Variants in KIF3A observed in about 807,000 individuals in gnomAD.
KIF3A encodes kinesin family member 3A.
KIF3A carries 27 observed loss-of-function variants against 92.6 expected under a neutral mutation model. That is an observed-to-expected ratio of 0.29 (90% CI 0.21 to 0.40). The LOEUF (loss-of-function observed/expected upper bound fraction) is 0.40. KIF3A is among the 10% of genes least tolerant of loss of function. KIF3A has a pLI of 1.00. For synonymous variants in KIF3A, 250 were observed against 275.4 expected (o/e 0.91, Z 0.92); for missense variants, 581 against 872.6 (o/e 0.67, Z 4.21).
chr5:132,721,850 T>C (rs968386526), intron 4 of KIF3A, among the ~76,000 whole-genome samples: 1 of 152,134 alleles, frequency 6.6e-6, no homozygotes, highest in Non-Finnish European at 1.5e-5. Context: ...CCAGAGAAGT[T>C]CTAAAGAGAA....
intron 5 of KIF3A, among the ~76,000 whole-genome samples, chr5:132,719,317 C>T (rs969078270): frequency 4.6e-5 from 7 of 152,142 alleles, no homozygotes; most frequent in African/African-American, 1.7e-4. Flanking sequence ...GAATAACATA[C>T]ATATTTTTTG....
chr5:132,704,082 T>C (rs1167209374), intron 11 of KIF3A, among the ~76,000 whole-genome samples: 2 of 151,860 alleles, frequency 1.3e-5, no homozygotes, highest in African/African-American at 4.8e-5. Context: ...AAGTCATATA[T>C]AGGTATAAAA....
intron 11 of KIF3A, among the ~76,000 whole-genome samples, chr5:132,704,836 T>C (rs1753154023): frequency 6.6e-6 from 1 of 151,902 alleles, no homozygotes; most frequent in Non-Finnish European, 1.5e-5. Flanking sequence ...TGAAAAATAA[T>C]TATGATGGAG....
downstream of KIF3A, among the ~76,000 whole-genome samples, chr5:132,692,027 A>G (rs559689160): frequency 6.0e-3 from 918 of 152,134 alleles, 8 homozygotes; most frequent in Non-Finnish European, 0.01. Flanking sequence ...CTAAATGTCC[A>G]TCAATGACAG....
intron 11 of KIF3A, 57 bp from the exon 12 acceptor site, chr5:132,703,676 T>C (rs774913022): frequency 6.2e-6 from 8 of 1,297,158 alleles, no homozygotes; most frequent in Middle Eastern, 2.1e-4. Context: ...TTCAGACTTA[T>C]ATAAATTACC....
chr5:132,718,219 A>G (rs561936819), intron 5 of KIF3A, among the ~76,000 whole-genome samples: 47 of 152,326 alleles, frequency 3.1e-4, no homozygotes, highest in African/African-American at 1.1e-3. Context: ...CAGTACATAC[A>G]TACTGTTCTA....
downstream of KIF3A, among the ~76,000 whole-genome samples, chr5:132,691,645 G>A (rs929735514): frequency 1.6e-4 from 25 of 152,070 alleles, no homozygotes; most frequent in Admixed American, 1.2e-3. Context: ...GCTCAGGCCT[G>A]TAATCCCAGC....
chr5:132,692,763 A>G lies in KIF3A; in HGVS notation c.*3871T>C, dbSNP rs552630133. On this transcript the variant is annotated 3_prime_UTR_variant, in exon 19 of 19. Transcript: ENST00000403231. Reference sequence around the variant, plus strand: ...ATGGCTTTTGAAACTGATGCAACAAACTGTAATTTGTAATTTTGGCCAGCA... The same window carrying G: ...ATGGCTTTTGAAACTGATGCAACAAGCTGTAATTTGTAATTTTGGCCAGCA... 6.5e-6 allele frequency: 1 copy of G among 152,798 alleles called. No individual in the cohort carries two copies. Among genetic ancestry groups the G allele is most frequent in the African/African-American group, 2.4e-5 (1 of 41,548 alleles). The allele number at this position is 152,798 out of a possible 1,614,324, so 9.5% of individuals were successfully genotyped here.
At position 132,703,061 on chromosome 5, in the gene KIF3A, C is replaced by G; in HGVS notation, c.1471G>C (p.Glu491Gln). ...REKDLLKAQQ[E>Q]HQSLLEKLSA... ...AATTTTTCCAGCAAAGACTGATGCT[C>G]TTGTCTGTTGATTAGAATGAGAATA... The change falls in exon 13 of 19, where the codon GAG becomes CAG. Residue 491 changes from glutamate (E) to glutamine (Q), a missense_variant. Glu to Gln is a conservative substitution (Grantham distance 29, BLOSUM62 2). This residue lies in a region of KIF3A where 167 missense variants were observed against 205.8 expected (regional missense o/e 0.81). Coordinates refer to ENST00000403231, the MANE Select transcript of KIF3A (RefSeq NM_001300791.2). 1 of 1,606,180 alleles carries G rather than the reference C, an allele frequency of 6.2e-7. No individual in the cohort carries two copies. Among genetic ancestry groups the G allele is most frequent in the Non-Finnish European group, 8.5e-7 (1 of 1,177,334 alleles).
At chr5:132,735,812 T>C (rs761220393) in intron 1 of KIF3A, among the ~76,000 whole-genome samples, 1 of 152,206 alleles carries the variant, frequency 6.6e-6, no homozygotes, top group African/African-American at 2.4e-5. Context: ...ACCAGAATCC[T>C]TAAGGTGGTC....
At chr5:132,725,006 A>T (rs1753990248) in intron 4 of KIF3A, among the ~76,000 whole-genome samples, 1 of 145,252 alleles carries the variant, frequency 6.9e-6, no homozygotes, top group Non-Finnish European at 1.5e-5. Flanking sequence ...TTCCTAAAAT[A>T]AAAAAAAAAG....
intron 1 of KIF3A, chr5:132,737,009 C>A: frequency 2.9e-6 from 1 of 343,754 alleles, no homozygotes; most frequent in Non-Finnish European, 5.4e-6. Context: ...GCCTTCGCTC[C>A]GCTGCCTCCC....
At position 132,720,610 on chromosome 5, in the gene KIF3A, AT is replaced by A; in HGVS notation, c.614del (p.Asn205IlefsTer9). 6.3e-7 allele frequency: 1 copy of A among 1,595,446 alleles called. No individual in the cohort carries two copies. Among genetic ancestry groups the A allele is most frequent in the Non-Finnish European group, 8.6e-7 (1 of 1,167,238 alleles). On this transcript the variant is annotated frameshift_variant and splice_region_variant, in exon 5 of 19. Coordinates refer to ENST00000403231, the MANE Select transcript of KIF3A (RefSeq NM_001300791.2). LOFTEE classifies it high-confidence loss of function. ...MDRIMTLGHK[N>X]RSVGATNMNE... ...ATCACAATTACACACTATACTTACGATTTTTGTGGCCTAGCGTCATAATTCT... is the reference window on the plus strand; with the variant it reads ...ATCACAATTACACACTATACTTACGATTTTGTGGCCTAGCGTCATAATTCT...
At position 132,716,946 on chromosome 5, in the gene KIF3A, G is replaced by A; in HGVS notation, c.655C>T (p.Arg219Cys). The A allele has an allele frequency of 6.2e-7, 1 of 1,613,764 alleles. No individual in the cohort carries two copies. ...GTAATTGTAAAGATGGCATGGGAACGGGAACTATGTTCGTTCATATTAGTT... is the reference window on the plus strand; with the variant it reads ...GTAATTGTAAAGATGGCATGGGAACAGGAACTATGTTCGTTCATATTAGTT... The part of the protein sequence containing the change: ...GATNMNEHSS[R>C]SHAIFTITIE... The change falls in exon 6 of 19, where the codon CGT becomes TGT. Residue 219 changes from arginine to cysteine, a missense_variant. Transcript: ENST00000403231.
chr5:132,712,018 G>C (rs1378980439), intron 8 of KIF3A, among the ~76,000 whole-genome samples: 2 of 152,148 alleles, frequency 1.3e-5, no homozygotes, highest in African/African-American at 4.8e-5. Flanking sequence ...GGAGAAAAAA[G>C]TAAAATATAC....
At chr5:132,705,620 A>G (rs1185209224) in intron 11 of KIF3A, among the ~76,000 whole-genome samples, 1 of 152,068 alleles carries the variant, frequency 6.6e-6, no homozygotes, top group African/African-American at 2.4e-5. Context: ...CTGATACTTT[A>G]GCAGCAAAAA....
chr5:132,717,150 T>A (rs111690158), intron 5 of KIF3A, among the ~76,000 whole-genome samples, 166 bp from the exon 6 acceptor site: 35 of 152,344 alleles, frequency 2.3e-4, no homozygotes, highest in African/African-American at 8.2e-4. Context: ...ACATGAAATT[T>A]CTCTTATACT....
intron 2 of KIF3A, among the ~76,000 whole-genome samples, chr5:132,731,224 AG>A (rs1321104823): frequency 6.6e-6 from 1 of 152,226 alleles, no homozygotes; most frequent in Admixed American, 6.5e-5. Context: ...ATGCATTAGA[AG>A]AAAACTATAT....
chr5:132,733,396 G>A (rs1385036133), intron 2 of KIF3A, among the ~76,000 whole-genome samples: 1 of 152,008 alleles, frequency 6.6e-6, no homozygotes, highest in African/African-American at 2.4e-5. Context: ...AAAATACTTA[G>A]GAATAAATTA....
Sources: gnomAD v4.1 joint callset for allele counts (sites outside exome capture counted in the v4.1 genomes callset) on GRCh38, gnomAD v4.1.1 for gene constraint, gnomAD v4.1.1 regional missense constraint, MANE v1.5 for transcripts, NCBI Gene and HGNC (gene_info 2026-07-23, HGNC 2026-07-21) for gene names.